Variants in ATP10D observed in about 807,000 individuals in gnomAD.
The protein encoded by ATP10D is ATPase phospholipid transporting 10D (putative), also known as phospholipid-transporting ATPase VD.
ATP10D carries 89 observed loss-of-function variants against 144.8 expected under a neutral mutation model. The ratio of observed to expected loss-of-function variants is 0.61; its 90% CI spans 0.52 to 0.73. The LOEUF (loss-of-function observed/expected upper bound fraction) is 0.73. ATP10D is among the 30% of genes least tolerant of loss of function. The pLI is 0.00. For synonymous variants in ATP10D, 571 were observed against 615.1 expected (o/e 0.93, Z 1.06); for missense variants, 1,603 against 1,714.8 (o/e 0.93, Z 1.15).
In ATP10D at chr4:47,554,906, C is replaced by A; in HGVS notation, c.1816C>A (p.Arg606=). 6.2e-7 allele frequency: 1 copy of A among 1,613,136 alleles called. No homozygotes were observed. The highest frequency in any genetic ancestry group is 8.5e-7 in the Non-Finnish European group (1 of 1,179,530). ...AGTGGTTTCTGCTCCTAACCAACCCCGACAAAAGGTGAGTAAGTTCTCTAA... is the reference window on the plus strand; with the variant it reads ...AGTGGTTTCTGCTCCTAACCAACCCAGACAAAAGGTGAGTAAGTTCTCTAA... ...TVVVSAPNQP[R]QKIRHPSLGG... is the part of the protein sequence containing the mutation. The change falls in exon 11 of 23, where the codon CGA becomes AGA. Residue 606 remains arginine, a synonymous_variant. Coordinates refer to ENST00000273859, the MANE Select transcript of ATP10D (RefSeq NM_020453.4).
intron 13 of ATP10D, among the ~76,000 whole-genome samples, chr4:47,559,538 T>C (rs1719181226): frequency 6.6e-6 from 1 of 152,234 alleles, no homozygotes; most frequent in African/African-American, 2.4e-5. Context: ...AGAATGCATA[T>C]CCTTTCTAAA....
intron 11 of ATP10D, 113 bp from the exon 12 acceptor site, chr4:47,557,551 C>T: frequency 9.3e-7 from 1 of 1,075,760 alleles, no homozygotes. Context: ...GGGCTGCTAG[C>T]CATTTAAGTG....
chr4:47,543,836 T>TACAC (rs756459559), intron 9 of ATP10D, among the ~76,000 whole-genome samples: 80 of 105,006 alleles, frequency 7.6e-4, no homozygotes, highest in South Asian at 6.1e-3. Context: ...ATATATTATG[T>TACAC]ACACACACAC....
chr4:47,525,671 G>A, intron 5 of ATP10D, 29 bp downstream of exon 5: 1 of 1,527,546 alleles, frequency 6.5e-7, no homozygotes, highest in Non-Finnish European at 9.1e-7. Flanking sequence ...ACATTTGTGG[G>A]TGTAAGTGGA....
At chr4:47,581,735 T>C (rs11732736) in intron 20 of ATP10D, among the ~76,000 whole-genome samples, 4,156 of 152,320 alleles carry the variant, frequency 0.027, 84 homozygotes, top group Non-Finnish European at 0.042. Context: ...TCAATTATGA[T>C]TCAGAATAAA....
At chr4:47,544,053 G>T (rs1577667680) in intron 9 of ATP10D, among the ~76,000 whole-genome samples, 1 of 152,026 alleles carries the variant, frequency 6.6e-6, no homozygotes, top group Admixed American at 6.6e-5. Context: ...TTAAAAATTG[G>T]CCCTGTTAAC....
chr4:47,504,362 A>G (rs1194101984), intron 1 of ATP10D, among the ~76,000 whole-genome samples: 2 of 152,186 alleles, frequency 1.3e-5, no homozygotes, highest in Non-Finnish European at 2.9e-5. Flanking sequence ...CAGCAAAGAA[A>G]CCACCAAAGA....
At chr4:47,580,199 C>G (rs766784568) in intron 19 of ATP10D, among the ~76,000 whole-genome samples, 199 bp from the exon 20 acceptor site, 1 of 152,170 alleles carries the variant, frequency 6.6e-6, no homozygotes, top group Non-Finnish European at 1.5e-5. Context: ...AATAAATGTT[C>G]CTTCAAGGAT....
At position 47,546,633 on chromosome 4, in the gene ATP10D, T is replaced by C; in HGVS notation, c.1406T>C (p.Leu469Ser). The C allele has an allele frequency of 6.2e-7, 1 of 1,614,040 alleles. No individual in the cohort carries two copies. The highest frequency in any genetic ancestry group is 1.7e-4 in the Middle Eastern group (1 of 6,058). The change falls in exon 10 of 23, where the codon TTG becomes TCG. Residue 469 changes from leucine (L) to serine (S), a missense_variant. Leu to Ser is a moderately radical substitution (Grantham distance 145, BLOSUM62 -2). Coordinates refer to ENST00000273859, the MANE Select transcript of ATP10D (RefSeq NM_020453.4). ...DYCHEENARR[L>S]ESYQEAVSED... ...GCTTTTTATCCCACAGCCAGGAGGTTGGAGTCCTATCAGGAAGCTGTCTCT... is the reference window on the plus strand; with the variant it reads ...GCTTTTTATCCCACAGCCAGGAGGTCGGAGTCCTATCAGGAAGCTGTCTCT...
At chr4:47,528,723 G>C (rs1717404800) in intron 5 of ATP10D, among the ~76,000 whole-genome samples, 1 of 151,878 alleles carries the variant, frequency 6.6e-6, no homozygotes. Flanking sequence ...TTCGTTGAGA[G>C]GTCTTCATAC....
At chr4:47,529,506 G>A (rs527451097) in intron 5 of ATP10D, among the ~76,000 whole-genome samples, 1 of 152,228 alleles carries the variant, frequency 6.6e-6, no homozygotes, top group African/African-American at 2.4e-5. Context: ...ATGTGTCTAT[G>A]TTTTTGTAGC....
At chr4:47,549,554 G>A (rs990014639) in intron 10 of ATP10D, among the ~76,000 whole-genome samples, 1 of 152,196 alleles carries the variant, frequency 6.6e-6, no homozygotes, top group Non-Finnish European at 1.5e-5. Flanking sequence ...TTAATGGAAG[G>A]CATGGCACAA....
Position 47,557,985 on chromosome 4 carries a change from C to G in ATP10D, c.2146C>G (p.Pro716Ala), listed in dbSNP as rs34208443. ...NGKAESLPGQ[P>A]LACNLCYEAE... Reference sequence around the variant, plus strand: ...CAAGGCAGAGTCCCTCCCTGGACAGCCATTGGCCTGCAACCTGTGTTATGA... The same window carrying G: ...CAAGGCAGAGTCCCTCCCTGGACAGGCATTGGCCTGCAACCTGTGTTATGA... The change falls in exon 12 of 23, where the codon CCA (proline) becomes GCA (alanine). Residue 716 changes from proline (P) to alanine (A), a missense_variant. Transcript: ENST00000273859. 2 of 1,613,884 alleles carry G rather than the reference C, an allele frequency of 1.2e-6. No individual in the cohort carries two copies. Among genetic ancestry groups the G allele is most frequent in the South Asian group, 1.1e-5 (1 of 91,072 alleles).
chr4:47,496,930 C>G (rs1165619596), intron 1 of ATP10D, among the ~76,000 whole-genome samples: 1 of 151,728 alleles, frequency 6.6e-6, no homozygotes, highest in Non-Finnish European at 1.5e-5. Flanking sequence ...TAACCTCTGC[C>G]TCCTGGGTTC....
intron 13 of ATP10D, among the ~76,000 whole-genome samples, chr4:47,559,930 G>T (rs1719206759): frequency 6.6e-6 from 1 of 152,148 alleles, no homozygotes; most frequent in Non-Finnish European, 1.5e-5. Context: ...AACCTGGGAG[G>T]CAGAGGTTGC....
chr4:47,496,985 T>C (rs972133771), intron 1 of ATP10D, among the ~76,000 whole-genome samples: 4 of 152,140 alleles, frequency 2.6e-5, no homozygotes, highest in Admixed American at 6.5e-5. Flanking sequence ...GTGATTACAG[T>C]TGCCCGCTAC....
chr4:47,587,466 C>T (rs1299054320), intron 22 of ATP10D, among the ~76,000 whole-genome samples: 1 of 152,166 alleles, frequency 6.6e-6, no homozygotes, highest in Non-Finnish European at 1.5e-5. Flanking sequence ...CTTTGCTTCA[C>T]AGGGTTATCT....
At chr4:47,491,024 GT>G (rs1715044227) in intron 1 of ATP10D, 1 of 712,926 alleles carries the variant, frequency 1.4e-6, no homozygotes, top group Non-Finnish European at 2.6e-6. Flanking sequence ...AGCAGCTCAG[GT>G]TCCTTCCCAT....
intron 11 of ATP10D, among the ~76,000 whole-genome samples, chr4:47,556,052 C>T (rs966798828): frequency 6.6e-6 from 1 of 152,008 alleles, no homozygotes; most frequent in Non-Finnish European, 1.5e-5. Flanking sequence ...CCACACCTGA[C>T]CAAAAAAAGC....
Sources: allele counts gnomAD v4.1 joint callset (sites outside exome capture counted in the v4.1 genomes callset), GRCh38; gene constraint gnomAD v4.1.1; transcripts MANE v1.5; gene names NCBI Gene and HGNC (gene_info 2026-07-23, HGNC 2026-07-21).